MAPK10: variants seen among roughly 807,000 people sequenced by gnomAD.
The protein encoded by MAPK10 is JNK3 alpha protein kinase.
In MAPK10, 25 loss-of-function variants were observed where a neutral mutation model predicts 59.3. That is an observed-to-expected ratio of 0.42 (90% CI 0.31 to 0.59). MAPK10 has a LOEUF of 0.59. MAPK10 is among the 20% of genes least tolerant of loss of function. The pLI, the probability that MAPK10 is intolerant of heterozygous loss-of-function variation, is 0.15. For missense variants in MAPK10, 351 were observed against 568.9 expected, an observed-to-expected ratio of 0.62 and a Z score of 3.90; for synonymous variants, 190 against 200.5, an observed-to-expected ratio of 0.95 and a Z score of 0.44.
intron 1 of MAPK10, among the ~76,000 whole-genome samples, chr4:86,581,287 A>G (rs1020216267): frequency 6.6e-6 from 1 of 152,110 alleles, no homozygotes; most frequent in Non-Finnish European, 1.5e-5. Context: ...AAAAATGGAA[A>G]GATCAGCTCT....
At chr4:86,019,895 C>T (rs1745480701) in intron 13 of MAPK10, among the ~76,000 whole-genome samples, 1 of 152,160 alleles carries the variant, frequency 6.6e-6, no homozygotes, top group South Asian at 2.1e-4. Flanking sequence ...TTAGTTTTGA[C>T]TTGAGGTATA....
intron 3 of MAPK10, among the ~76,000 whole-genome samples, chr4:86,172,718 G>C (rs1562661148): frequency 6.8e-6 from 1 of 147,558 alleles, no homozygotes; most frequent in Non-Finnish European, 1.5e-5. Flanking sequence ...AAAACTTAAA[G>C]TATAATAATA....
chr4:86,186,617 CTTTA>C (rs1395741833), intron 3 of MAPK10, among the ~76,000 whole-genome samples: 2 of 151,946 alleles, frequency 1.3e-5, no homozygotes, highest in African/African-American at 4.8e-5. Flanking sequence ...TCATGTCATT[CTTTA>C]TTTAAAACAC....
chr4:86,277,691 T>C (rs1305843471), intron 2 of MAPK10, among the ~76,000 whole-genome samples: 1 of 152,180 alleles, frequency 6.6e-6, no homozygotes, highest in African/African-American at 2.4e-5. Context: ...TTGTTTCTAG[T>C]TGATAAATCT....
chr4:86,341,337 T>A (rs995850535), intron 2 of MAPK10, among the ~76,000 whole-genome samples: 2 of 152,146 alleles, frequency 1.3e-5, no homozygotes, highest in Non-Finnish European at 2.9e-5. Context: ...CAGATCTCAA[T>A]GAATCTGAGA....
At chr4:86,069,377 T>C (rs1278377171) in intron 9 of MAPK10, among the ~76,000 whole-genome samples, 1 of 151,994 alleles carries the variant, frequency 6.6e-6, no homozygotes, top group Non-Finnish European at 1.5e-5. Context: ...GGAAAAACAA[T>C]AATATTCCTT....
Position 86,274,591 on chromosome 4 carries a change from A to C in MAPK10, c.-7+79939T>G, listed in dbSNP as rs143780366. Among the ~76,000 whole-genome samples, 883 of 151,504 alleles carry C rather than the reference A, an allele frequency of 5.8e-3. 8 individuals are homozygous for C. Among genetic ancestry groups the C allele is most frequent in the African/African-American group, 0.02 (832 of 41,322 alleles). On this transcript the variant is annotated intron_variant, in intron 2 of 13. Transcript: ENST00000641462. ...TTTACTTTCTTTTCCCTCTTGCTTT[A>C]TATCCTCTGCTATTCTCTTTTTTTC...
intron 2 of MAPK10, among the ~76,000 whole-genome samples, chr4:86,205,076 A>G (rs897780512): frequency 7.9e-5 from 12 of 152,010 alleles, no homozygotes; most frequent in Admixed American, 6.6e-5. Context: ...GAAAAAAATT[A>G]AGCTATAAGC....
At chr4:86,104,423 A>G (rs1319206526) in intron 5 of MAPK10, among the ~76,000 whole-genome samples, 2 of 152,158 alleles carry the variant, frequency 1.3e-5, no homozygotes, top group Non-Finnish European at 1.5e-5. Flanking sequence ...ACTTGTGATT[A>G]AAGTGCCATG....
intron 1 of MAPK10, among the ~76,000 whole-genome samples, chr4:86,486,508 G>T (rs1158437372): frequency 6.6e-6 from 1 of 152,108 alleles, no homozygotes; most frequent in Non-Finnish European, 1.5e-5. Flanking sequence ...TGAGATATGG[G>T]TATAGCAATT....
At chr4:86,191,889 G>A (rs2079982920) in intron 3 of MAPK10, 1 of 152,058 alleles carries the variant, frequency 6.6e-6, no homozygotes. Context: ...AATTTGGGAT[G>A]TTTTTTCAGT....
At chr4:86,290,385 T>C (rs1475793754) in intron 2 of MAPK10, among the ~76,000 whole-genome samples, 2 of 152,192 alleles carry the variant, frequency 1.3e-5, no homozygotes, top group African/African-American at 4.8e-5. Flanking sequence ...GATGTCCACA[T>C]AGATGGCAAC....
intron 1 of MAPK10, among the ~76,000 whole-genome samples, chr4:86,419,070 C>T (rs895578924): frequency 5.9e-5 from 9 of 152,102 alleles, no homozygotes; most frequent in African/African-American, 2.2e-4. Flanking sequence ...TGCTCGGGTG[C>T]AACAAAATCT....
At chr4:86,024,731 G>T (rs565001833) in intron 13 of MAPK10, 1 of 152,222 alleles carries the variant, frequency 6.6e-6, no homozygotes, top group African/African-American at 2.4e-5. Flanking sequence ...AGCTATTTTT[G>T]GCCAAAGGAA....
intron 2 of MAPK10, among the ~76,000 whole-genome samples, chr4:86,281,362 G>A (rs2094796287): frequency 6.6e-6 from 1 of 151,920 alleles, no homozygotes; most frequent in East Asian, 1.9e-4. Flanking sequence ...TTAGCTGGGT[G>A]TGGTGGTGCA....
intron 2 of MAPK10, among the ~76,000 whole-genome samples, chr4:86,261,958 T>C (rs935120872): frequency 6.6e-6 from 1 of 152,266 alleles, no homozygotes; most frequent in Non-Finnish European, 1.5e-5. Flanking sequence ...ACTAAGGTTC[T>C]TGTCCCATAT....
intron 1 of MAPK10, among the ~76,000 whole-genome samples, chr4:86,407,465 T>G (rs1327089145): frequency 6.6e-6 from 1 of 152,170 alleles, no homozygotes; most frequent in African/African-American, 2.4e-5. Flanking sequence ...TGTCATTCAC[T>G]GAATGAAAGG....
chr4:86,427,152 G>A (rs1747395575), intron 1 of MAPK10, among the ~76,000 whole-genome samples: 1 of 151,246 alleles, frequency 6.6e-6, no homozygotes, highest in Admixed American at 6.6e-5. Flanking sequence ...AGCTACTCAG[G>A]AGGCTGAGGC....
intron 4 of MAPK10, chr4:86,107,755 C>G: frequency 3.8e-6 from 2 of 531,986 alleles, no homozygotes; most frequent in Non-Finnish European, 4.8e-6. Flanking sequence ...GCTTGAATTT[C>G]TCATCTGTTA....
Sources: allele counts gnomAD v4.1 joint callset (sites outside exome capture counted in the v4.1 genomes callset), GRCh38; gene constraint gnomAD v4.1.1; transcripts MANE v1.5; gene names NCBI Gene and HGNC (gene_info 2026-07-23, HGNC 2026-07-21).